The following SDK1 variants were observed in gnomAD, a reference collection of about 807,000 sequenced individuals.
SDK1 encodes sidekick cell adhesion molecule 1.
A neutral mutation model predicts 245.5 loss-of-function variants in SDK1; 157 were observed. The ratio of observed to expected loss-of-function variants is 0.64; its 90% CI spans 0.56 to 0.73. The LOEUF is 0.73. Among genes scored for constraint, SDK1 ranks in the 30% least tolerant of loss-of-function variants. SDK1 has a pLI of 0.00. For missense variants in SDK1, 3,583 were observed against 3,002.3 expected (o/e 1.19, Z -4.52); for synonymous variants, 1,647 against 1,278.5 (o/e 1.29, Z -6.15).
In SDK1 at chr7:3,906,617, C is replaced by CTTTTTTT. The variant is rs71032914; in HGVS notation, c.848-44284_848-44278dup. Among the ~76,000 whole-genome samples the CTTTTTTT allele has an allele frequency of 1.2e-4, 7 of 57,250 alleles. 1 individual carries two copies. The highest frequency in any genetic ancestry group is 1.6e-4 in the Non-Finnish European group (5 of 31,992). The allele number at this position is 57,250 out of a possible 152,430, so 37.6% of individuals were successfully genotyped here. ...CAAGACACAGGTAGCATTTCAGTGT[C>CTTTTTTT]TTTTTTTTTTTTTTTTTTTTTTTTT... On this transcript the variant is annotated intron_variant, in intron 5 of 44. Coordinates refer to ENST00000404826, the MANE Select transcript of SDK1 (RefSeq NM_152744.4).
At chr7:4,210,559 A>C (rs1177655754) in intron 38 of SDK1, among the ~76,000 whole-genome samples, 1 of 152,014 alleles carries the variant, frequency 6.6e-6, no homozygotes, top group African/African-American at 2.4e-5. Flanking sequence ...GCCTCACAAC[A>C]CAGGCCTTCG....
At chr7:3,353,966 A>G (rs1405122402) in intron 1 of SDK1, among the ~76,000 whole-genome samples, 3 of 151,322 alleles carry the variant, frequency 2.0e-5, no homozygotes, top group South Asian at 2.1e-4. Context: ...ACCGGGCTCC[A>G]TAGCCACATT....
intron 1 of SDK1, among the ~76,000 whole-genome samples, chr7:3,348,755 G>A (rs750142992): frequency 4.6e-5 from 7 of 152,138 alleles, no homozygotes; most frequent in Non-Finnish European, 8.8e-5. Context: ...CTCATTTGGA[G>A]GACTTTCTGA....
At chr7:3,972,047 A>C (rs903909198) in intron 12 of SDK1, among the ~76,000 whole-genome samples, 7 of 150,292 alleles carry the variant, frequency 4.7e-5, no homozygotes, top group Non-Finnish European at 8.9e-5. Flanking sequence ...AGGAAGGTGC[A>C]TGCCAAGAGG....
intron 1 of SDK1, among the ~76,000 whole-genome samples, chr7:3,334,431 C>G (rs565508951): frequency 6.6e-6 from 1 of 152,212 alleles, no homozygotes; most frequent in South Asian, 2.1e-4. Context: ...CCTGCCGTCC[C>G]TTTCAAATGA....
At chr7:4,178,137 C>T (rs1338352871) in intron 34 of SDK1, among the ~76,000 whole-genome samples, 3 of 152,232 alleles carry the variant, frequency 2.0e-5, no homozygotes, top group Admixed American at 6.5e-5. Context: ...CCGCTACTCA[C>T]CTCCTGCTTT....
intron 4 of SDK1, among the ~76,000 whole-genome samples, chr7:3,664,537 G>T (rs973424144): frequency 6.6e-6 from 1 of 152,018 alleles, no homozygotes; most frequent in Non-Finnish European, 1.5e-5. Context: ...TTAGGAGATC[G>T]AGATCAGCCT....
At chr7:3,421,421 C>A (rs1195112017) in intron 1 of SDK1, among the ~76,000 whole-genome samples, 1 of 152,080 alleles carries the variant, frequency 6.6e-6, no homozygotes, top group East Asian at 1.9e-4. Context: ...TCATTTGTCA[C>A]TAAATAATTA....
intron 1 of SDK1, among the ~76,000 whole-genome samples, chr7:3,321,749 C>T (rs1490736620): frequency 1.1e-5 from 1 of 92,052 alleles, no homozygotes; most frequent in African/African-American, 4.7e-5. Flanking sequence ...CTCCCCCCTC[C>T]TTCCCCTCCC....
intron 4 of SDK1, among the ~76,000 whole-genome samples, chr7:3,647,387 A>G (rs1273014467): frequency 6.6e-6 from 1 of 152,188 alleles, no homozygotes; most frequent in African/African-American, 2.4e-5. Context: ...CTACAGGGCC[A>G]GAGTCTCTTG....
At chr7:4,106,602 C>T (rs913281187) in intron 22 of SDK1, among the ~76,000 whole-genome samples, 6 of 152,278 alleles carry the variant, frequency 3.9e-5, no homozygotes, top group South Asian at 4.2e-4. Context: ...GGCCAGCCCC[C>T]GTTTGTGACC....
chr7:3,341,499 T>C (rs1273052227), intron 1 of SDK1, among the ~76,000 whole-genome samples: 1 of 152,020 alleles, frequency 6.6e-6, no homozygotes, highest in Non-Finnish European at 1.5e-5. Context: ...CTAAAAGATA[T>C]CCAGACCAAA....
chr7:3,870,774 C>G lies in SDK1; in HGVS notation c.847+49191C>G, dbSNP rs10226220. Among the ~76,000 whole-genome samples the G allele has an allele frequency of 8.2e-3, 1,252 of 152,192 alleles. 21 individuals carry two copies. The highest frequency in any genetic ancestry group is 0.028 in the African/African-American group (1,181 of 41,534). On this transcript the variant is annotated intron_variant, in intron 5 of 44. Transcript: ENST00000404826. ...CTACAGAGTTTATGTAGATTTTACC[C>G]ATTTTTCCACTAATGTTTTTTGTCT...
At chr7:3,633,584 C>T (rs11770829) in intron 2 of SDK1, among the ~76,000 whole-genome samples, 37,213 of 151,908 alleles carry the variant, frequency 0.24, 5,482 homozygotes, top group Non-Finnish European at 0.33. Context: ...TACCAAGAGC[C>T]ATGTTTTTTT....
intron 1 of SDK1, among the ~76,000 whole-genome samples, chr7:3,379,909 A>G (rs748903915): frequency 1.3e-5 from 2 of 152,174 alleles, no homozygotes; most frequent in Admixed American, 6.5e-5. Context: ...GATATGAGGC[A>G]GATATTCCCA....
intron 4 of SDK1, among the ~76,000 whole-genome samples, chr7:3,701,057 T>G (rs1784725432): frequency 6.6e-6 from 1 of 152,154 alleles, no homozygotes; most frequent in African/African-American, 2.4e-5. Context: ...AGGCTGAGGC[T>G]ATCTACGTAG....
chr7:3,637,086 CGTGT>C lies in SDK1; in HGVS notation c.459-1895_459-1892del, dbSNP rs57931328. Among the ~76,000 whole-genome samples, 277 of 148,322 alleles carry C rather than the reference CGTGT, an allele frequency of 1.9e-3. 1 individual carries two copies. The highest frequency in any genetic ancestry group is 3.4e-3 in the Middle Eastern group (1 of 290). ...GAGAGAGAGAGAGAGTGCGTGCGCG[CGTGT>C]GTGTGTGTGTGTGTGTGTGTGTTTT... is the stretch of plus-strand genomic sequence containing the variant. On this transcript the variant is annotated intron_variant, in intron 2 of 44. Coordinates refer to ENST00000404826, the MANE Select transcript of SDK1 (RefSeq NM_152744.4).
intron 5 of SDK1, among the ~76,000 whole-genome samples, chr7:3,914,815 C>T (rs1180569237): frequency 6.6e-6 from 1 of 152,160 alleles, no homozygotes; most frequent in African/African-American, 2.4e-5. Flanking sequence ...GGTCAATTTG[C>T]TTGCTTTTTT....
At chr7:3,677,780 A>G (rs1437211496) in intron 4 of SDK1, among the ~76,000 whole-genome samples, 1 of 152,236 alleles carries the variant, frequency 6.6e-6, no homozygotes, top group African/African-American at 2.4e-5. Context: ...ACAGTGTGGT[A>G]TTAGTGGAGG....
Sources: gnomAD v4.1 joint callset for allele counts (sites outside exome capture counted in the v4.1 genomes callset) on GRCh38, gnomAD v4.1.1 for gene constraint, MANE v1.5 for transcripts, NCBI Gene and HGNC (gene_info 2026-07-23, HGNC 2026-07-21) for gene names.